CNTNAP2: variants seen among roughly 807,000 people sequenced by gnomAD.
The protein encoded by CNTNAP2 is contactin associated protein 2.
Under a neutral mutation model 155.2 loss-of-function variants are expected in CNTNAP2, and 98 were observed. The ratio of observed to expected loss-of-function variants is 0.63; its 90% CI spans 0.54 to 0.75. The LOEUF is 0.75. Among genes scored for constraint, CNTNAP2 ranks in the 30% least tolerant of loss-of-function variants. The probability of loss-of-function intolerance (pLI) is 0.00; values close to 1 mark genes in which losing one functional copy is unlikely to be tolerated. For synonymous variants in CNTNAP2, 651 were observed against 631.2 expected (o/e 1.03, Z -0.47); for missense variants, 1,727 against 1,688.1 (o/e 1.02, Z -0.40).
At chr7:148,342,327 G>A (rs531404552) in intron 21 of CNTNAP2, among the ~76,000 whole-genome samples, 12 of 152,210 alleles carry the variant, frequency 7.9e-5, no homozygotes, top group African/African-American at 2.6e-4. Flanking sequence ...TATAGTCCAA[G>A]GTATTGATTT....
intron 13 of CNTNAP2, among the ~76,000 whole-genome samples, chr7:147,902,816 G>GTGTGTGTGTA (rs1799894272): frequency 1.8e-5 from 2 of 109,150 alleles, no homozygotes; most frequent in Non-Finnish European, 3.9e-5. Flanking sequence ...GTGTGTGTAT[G>GTGTGTGTGTA]TGTGTGTGTG....
chr7:146,800,414 T>C (rs1342075836), intron 2 of CNTNAP2, among the ~76,000 whole-genome samples: 1 of 152,196 alleles, frequency 6.6e-6, no homozygotes, highest in Non-Finnish European at 1.5e-5. Context: ...TGTCAGAAAA[T>C]CAGTTTGGCA....
intron 1 of CNTNAP2, among the ~76,000 whole-genome samples, chr7:146,176,303 G>A (rs772565920): frequency 1.3e-5 from 2 of 152,096 alleles, no homozygotes; most frequent in African/African-American, 2.4e-5. Flanking sequence ...TTCCCTTTTT[G>A]TCTATGGATC....
chr7:147,992,050 A>G (rs1315600101), intron 15 of CNTNAP2, among the ~76,000 whole-genome samples: 1 of 151,178 alleles, frequency 6.6e-6, no homozygotes, highest in Admixed American at 6.6e-5. Flanking sequence ...AAATTGTACT[A>G]AACTATTGTA....
intron 2 of CNTNAP2, among the ~76,000 whole-genome samples, chr7:146,809,099 G>A (rs958862826): frequency 1.3e-5 from 2 of 152,250 alleles, no homozygotes; most frequent in Admixed American, 6.5e-5. Context: ...GTGACTGCTG[G>A]ATCATACAGT....
At chr7:146,509,494 A>G (rs1025176089) in intron 1 of CNTNAP2, among the ~76,000 whole-genome samples, 2 of 152,120 alleles carry the variant, frequency 1.3e-5, no homozygotes, top group Non-Finnish European at 2.9e-5. Flanking sequence ...GGGTATAGGC[A>G]GTGTATGACT....
intron 21 of CNTNAP2, among the ~76,000 whole-genome samples, chr7:148,295,543 G>C (rs143312375): frequency 0.21 from 28,801 of 139,032 alleles, 3,374 homozygotes; most frequent in Middle Eastern, 0.3. Flanking sequence ...CCAGGCGGGA[G>C]TGCTGTGGCG....
chr7:146,993,699 T>C (rs1798252258), intron 3 of CNTNAP2, among the ~76,000 whole-genome samples: 1 of 152,144 alleles, frequency 6.6e-6, no homozygotes, highest in African/African-American at 2.4e-5. Flanking sequence ...TTTACAGGTG[T>C]ATACGTATCC....
chr7:146,415,418 A>C (rs1019848293), intron 1 of CNTNAP2, among the ~76,000 whole-genome samples: 2 of 152,210 alleles, frequency 1.3e-5, no homozygotes, highest in Admixed American at 1.3e-4. Flanking sequence ...TTTTTACTTC[A>C]AAATAATTTA....
chr7:146,841,695 T>A (rs1266652306), intron 3 of CNTNAP2, among the ~76,000 whole-genome samples: 3 of 152,148 alleles, frequency 2.0e-5, no homozygotes, highest in Admixed American at 1.3e-4. Flanking sequence ...ATTTGTAAAG[T>A]CTTCATCTCA....
At chr7:146,962,116 C>G (rs1797568126) in intron 3 of CNTNAP2, among the ~76,000 whole-genome samples, 1 of 152,088 alleles carries the variant, frequency 6.6e-6, no homozygotes, top group South Asian at 2.1e-4. Flanking sequence ...AATTTGTTTT[C>G]TAACATAAAC....
chr7:146,894,511 A>G (rs1156531700), intron 3 of CNTNAP2, among the ~76,000 whole-genome samples: 1 of 151,920 alleles, frequency 6.6e-6, no homozygotes. Flanking sequence ...TTATGCTTCA[A>G]TCTTTTGTAC....
chr7:146,804,793 C>T (rs1027255370), intron 2 of CNTNAP2, among the ~76,000 whole-genome samples: 5 of 152,108 alleles, frequency 3.3e-5, no homozygotes, highest in Non-Finnish European at 5.9e-5. Context: ...AGCTGTGTAG[C>T]GTGAAAGTCA....
In CNTNAP2 at chr7:147,400,525, T is replaced by C. The variant is rs529787241; in HGVS notation, c.1670+4745T>C. 6.6e-5 allele frequency among the ~76,000 whole-genome samples: 10 copies of C among 152,300 alleles called. No homozygotes were observed. In the East Asian group the frequency reaches 1.9e-3, roughly 29 times the overall value. On this transcript the variant is annotated intron_variant, in intron 10 of 23. Coordinates refer to ENST00000361727, the MANE Select transcript of CNTNAP2 (RefSeq NM_014141.6). ...TCATGCTTGGTTTGACAATTTTTTT[T>C]TCTGTTTTGTGAGTAATAGTGAAGT...
At chr7:146,509,016 C>A (rs1797427538) in intron 1 of CNTNAP2, among the ~76,000 whole-genome samples, 2 of 152,130 alleles carry the variant, frequency 1.3e-5, no homozygotes, top group Admixed American at 6.5e-5. Flanking sequence ...ATGCAGCACC[C>A]TGCACACAGA....
chr7:146,297,640 T>C (rs548873460), intron 1 of CNTNAP2, among the ~76,000 whole-genome samples: 1 of 152,296 alleles, frequency 6.6e-6, no homozygotes, highest in East Asian at 1.9e-4. Context: ...GGATTCCATG[T>C]AGGTAATAAC....
intron 1 of CNTNAP2, among the ~76,000 whole-genome samples, chr7:146,711,984 ATAGTATACACATCT>A: frequency 3.6e-5 from 1 of 28,144 alleles, no homozygotes; most frequent in African/African-American, 3.3e-4. Context: ...TGTATACTAT[ATAGTATACACATCT>A]TATGTATACT....
At chr7:147,252,181 G>A (rs73742507) in intron 8 of CNTNAP2, among the ~76,000 whole-genome samples, 17,978 of 152,174 alleles carry the variant, frequency 0.12, 1,144 homozygotes, top group Middle Eastern at 0.15. Context: ...AGGGGTGGTG[G>A]GGAGAGGTCA....
At chr7:148,331,737 G>A (rs371009748) in intron 21 of CNTNAP2, among the ~76,000 whole-genome samples, 5,085 of 41,676 alleles carry the variant, frequency 0.12, 257 homozygotes, top group East Asian at 0.19. Flanking sequence ...GATGGATGGA[G>A]TGGATGGATG....
Sources: allele counts gnomAD v4.1 joint callset (sites outside exome capture counted in the v4.1 genomes callset), GRCh38; gene constraint gnomAD v4.1.1; transcripts MANE v1.5; gene names NCBI Gene and HGNC (gene_info 2026-07-23, HGNC 2026-07-21).